TAB2: variants seen among roughly 807,000 people sequenced by gnomAD.
TAB2 encodes TGF-beta activated kinase 1 (MAP3K7) binding protein 2.
A neutral mutation model predicts 65.0 loss-of-function variants in TAB2; 3 were observed. The observed-to-expected ratio is 0.05, with a 90% CI of 0.02 to 0.12. TAB2 has a LOEUF of 0.12. Ranked by LOEUF, TAB2 falls within the 10% of genes least tolerant of loss-of-function variation. The pLI, the probability that TAB2 is intolerant of heterozygous loss-of-function variation, is 1.00. For synonymous variants in TAB2, 298 were observed against 285.1 expected (o/e 1.05, Z -0.46); for missense variants, 623 against 840.3 (o/e 0.74, Z 3.20).
chr6:149,243,848 A>G (rs1354891075), intron 1 of TAB2: 2 of 152,218 alleles, frequency 1.3e-5, no homozygotes, highest in African/African-American at 4.8e-5. Flanking sequence ...CTTTTCTCTT[A>G]TTATACTGTG....
chr6:149,283,783 C>G (rs1470286227), intron 1 of TAB2, among the ~76,000 whole-genome samples: 1 of 152,030 alleles, frequency 6.6e-6, no homozygotes, highest in African/African-American at 2.4e-5. Flanking sequence ...CTTTTGGGAA[C>G]AATATAGAGT....
intron 1 of TAB2, among the ~76,000 whole-genome samples, chr6:149,341,626 C>G (rs1478538925): frequency 2.0e-5 from 3 of 152,128 alleles, no homozygotes. Context: ...TGAACTTAGA[C>G]TTCTCTCTCA....
At chr6:149,318,276 G>GGC in intron 1 of TAB2, among the ~76,000 whole-genome samples, 1 of 151,880 alleles carries the variant, frequency 6.6e-6, no homozygotes, top group South Asian at 2.1e-4. Flanking sequence ...GTCCGTGCGG[G>GGC]GGGGGAGGGG....
intron 1 of TAB2, chr6:149,304,487 C>T (rs1779024267): frequency 6.5e-6 from 1 of 152,770 alleles, no homozygotes; most frequent in Non-Finnish European, 1.5e-5. Context: ...TGGATCAGCT[C>T]TGTTTCTGGA....
intron 1 of TAB2, among the ~76,000 whole-genome samples, chr6:149,350,818 C>T (rs1780466143): frequency 6.6e-6 from 1 of 151,866 alleles, no homozygotes; most frequent in African/African-American, 2.4e-5. Flanking sequence ...CAGCAAAACT[C>T]ATAATTATGT....
chr6:149,290,935 T>C (rs1401376623), intron 1 of TAB2, among the ~76,000 whole-genome samples: 1 of 152,246 alleles, frequency 6.6e-6, no homozygotes, highest in Non-Finnish European at 1.5e-5. Flanking sequence ...TATTTCAGTT[T>C]CTTCACCTTC....
At chr6:149,297,483 A>G (rs1362140553) in intron 1 of TAB2, among the ~76,000 whole-genome samples, 1 of 152,188 alleles carries the variant, frequency 6.6e-6, no homozygotes, top group Non-Finnish European at 1.5e-5. Context: ...TTTTTCAATT[A>G]GCATATTCAA....
chr6:149,300,006 A>G (rs369620567), intron 1 of TAB2, among the ~76,000 whole-genome samples: 11 of 152,280 alleles, frequency 7.2e-5, no homozygotes, highest in Admixed American at 3.3e-4. Flanking sequence ...CTGTCTCTAA[A>G]AAAGAAATTT....
At chr6:149,377,968 A>G (rs764150934) in intron 2 of TAB2, 50 bp from the exon 3 acceptor site, 1 of 1,413,078 alleles carries the variant, frequency 7.1e-7, no homozygotes, top group Non-Finnish European at 1.0e-6. Flanking sequence ...TGCAAATATA[A>G]GCATTCGCTT....
intron 1 of TAB2, among the ~76,000 whole-genome samples, chr6:149,362,205 C>G (rs964143693): frequency 3.3e-5 from 5 of 152,206 alleles, no homozygotes; most frequent in African/African-American, 9.7e-5. Context: ...ACCATTCTTG[C>G]ATTGCTGTAA....
chr6:149,248,651 T>C (rs1173047821), intron 1 of TAB2, among the ~76,000 whole-genome samples: 9 of 151,988 alleles, frequency 5.9e-5, no homozygotes, highest in African/African-American at 2.2e-4. Flanking sequence ...TTGACAGGAG[T>C]AGTTTCCCTA....
At chr6:149,292,269 A>G (rs1182657454) in intron 1 of TAB2, among the ~76,000 whole-genome samples, 2 of 152,228 alleles carry the variant, frequency 1.3e-5, no homozygotes, top group East Asian at 3.8e-4. Flanking sequence ...TACATATTTT[A>G]CAACAAAAAC....
At chr6:149,364,518 T>C (rs1780977980) in intron 1 of TAB2, among the ~76,000 whole-genome samples, 1 of 151,956 alleles carries the variant, frequency 6.6e-6, no homozygotes. Context: ...TTAAAATAGT[T>C]ATCTAAATTA....
In TAB2 at chr6:149,378,781, C is replaced by T. The variant is rs748601861; in HGVS notation, c.866C>T (p.Ser289Leu). The change falls in exon 3 of 7, where the codon TCA becomes TTA. Residue 289 changes from serine to leucine, a missense_variant. By Grantham distance (145) the Ser-to-Leu change is moderately radical. Around this residue, in one of 3 missense-constraint regions of TAB2, gnomAD observed 550 missense variants for 665.7 expected, o/e 0.83. Transcript: ENST00000637181. ...QTSHVYMPIS[S>L]PTTSQPPTIH... ...TCTCATGTCTACATGCCAATCAGTTCACCTACTACTTCACAACCACCAACC... is the reference window on the plus strand; with the variant it reads ...TCTCATGTCTACATGCCAATCAGTTTACCTACTACTTCACAACCACCAACC... 6.2e-7 allele frequency: 1 copy of T among 1,614,042 alleles called. No homozygotes were observed. The highest frequency in any genetic ancestry group is 1.3e-5 in the African/African-American group (1 of 74,922).
At chr6:149,409,466 T>C (rs1454008080) in intron 6 of TAB2, 111 bp from the exon 7 acceptor site, 2 of 968,504 alleles carry the variant, frequency 2.1e-6, no homozygotes, top group East Asian at 5.2e-5. Context: ...ATGCCCCATT[T>C]GGGGAGCAAG....
At chr6:149,367,878 A>C (rs1781091007) in intron 1 of TAB2, among the ~76,000 whole-genome samples, 1 of 152,124 alleles carries the variant, frequency 6.6e-6, no homozygotes, top group Non-Finnish European at 1.5e-5. Flanking sequence ...AGGAATTAAG[A>C]GTTTGATTTT....
chr6:149,308,266 T>C (rs1779103427), intron 1 of TAB2, among the ~76,000 whole-genome samples: 1 of 152,150 alleles, frequency 6.6e-6, no homozygotes, highest in South Asian at 2.1e-4. Context: ...AAAATTCCAA[T>C]ACATGTTGTC....
At chr6:149,292,532 T>G (rs139406662) in intron 1 of TAB2, among the ~76,000 whole-genome samples, 2 of 152,320 alleles carry the variant, frequency 1.3e-5, no homozygotes, top group African/African-American at 4.8e-5. Flanking sequence ...AAAAAGGGAA[T>G]GAAAGAAATT....
intron 1 of TAB2, among the ~76,000 whole-genome samples, chr6:149,226,229 C>T (rs1777272008): frequency 6.6e-6 from 1 of 152,142 alleles, no homozygotes; most frequent in African/African-American, 2.4e-5. Context: ...AAGGCCTGCC[C>T]ATTATAGGAC....
Sources: gnomAD v4.1 joint callset for allele counts (sites outside exome capture counted in the v4.1 genomes callset) on GRCh38, gnomAD v4.1.1 for gene constraint, gnomAD v4.1.1 regional missense constraint, MANE v1.5 for transcripts, NCBI Gene and HGNC (gene_info 2026-07-23, HGNC 2026-07-21) for gene names.